PTPRD: variants seen among roughly 807,000 people sequenced by gnomAD.
The protein encoded by PTPRD is receptor-type tyrosine-protein phosphatase delta.
A neutral mutation model predicts 214.5 loss-of-function variants in PTPRD; 34 were observed. The ratio of observed to expected loss-of-function variants is 0.16; its 90% confidence interval spans 0.12 to 0.21. The LOEUF is 0.21. Among genes scored for constraint, PTPRD ranks in the 10% least tolerant of loss-of-function variants. The probability of loss-of-function intolerance (pLI) is 1.00; values close to 1 mark genes in which losing one functional copy is unlikely to be tolerated. For missense variants in PTPRD, 2,545 were observed against 2,398.7 expected, an observed-to-expected ratio of 1.06 and a Z score of -1.27; for synonymous variants, 1,128 against 845.7, an observed-to-expected ratio of 1.33 and a Z score of -5.79.
chr9:9,069,151 G>C (rs937261449), intron 10 of PTPRD, among the ~76,000 whole-genome samples: 1 of 152,032 alleles, frequency 6.6e-6, no homozygotes, highest in Non-Finnish European at 1.5e-5. Flanking sequence ...TCTCAAGGTG[G>C]AACTTTAAAT....
At chr9:9,753,549 C>T (rs1274451636) in intron 6 of PTPRD, among the ~76,000 whole-genome samples, 1 of 151,986 alleles carries the variant, frequency 6.6e-6, no homozygotes, top group Non-Finnish European at 1.5e-5. Flanking sequence ...GCTTGTTATA[C>T]ATTTTAAAAT....
chr9:8,428,275 C>T (rs2094821301), intron 35 of PTPRD, among the ~76,000 whole-genome samples: 1 of 152,134 alleles, frequency 6.6e-6, no homozygotes, highest in Non-Finnish European at 1.5e-5. Context: ...TGGGCAAAGA[C>T]TCTCCCACAC....
intron 9 of PTPRD, among the ~76,000 whole-genome samples, chr9:9,333,312 T>A (rs2043034216): frequency 6.6e-6 from 1 of 151,428 alleles, no homozygotes; most frequent in Admixed American, 6.6e-5. Flanking sequence ...AGGGGGCATA[T>A]GTCTGTAAAG....
chr9:9,502,667 C>T (rs2096457240), intron 8 of PTPRD, among the ~76,000 whole-genome samples: 1 of 151,560 alleles, frequency 6.6e-6, no homozygotes, highest in South Asian at 2.1e-4. Flanking sequence ...CATAATAGCC[C>T]CAAACTGTAA....
At position 9,052,203 on chromosome 9, in the gene PTPRD, A is replaced by G. The variant is rs536149470; in HGVS notation, c.-142-33468T>C. On this transcript the variant is annotated intron_variant, in intron 10 of 45. Coordinates refer to ENST00000381196, the MANE Select transcript of PTPRD (RefSeq NM_002839.4). ...AAGGGAGCTCACTAGGGTCTATTTT[A>G]TTAGGATACAATCCATTCATGAGGG... Among the ~76,000 whole-genome samples the G allele has an allele frequency of 3.9e-5, 6 of 152,274 alleles. No individual in the cohort carries two copies. In the South Asian group the frequency reaches 1.2e-3, roughly 32 times the overall value.
At chr9:9,050,456 C>A (rs1027458278) in intron 10 of PTPRD, among the ~76,000 whole-genome samples, 1 of 152,138 alleles carries the variant, frequency 6.6e-6, no homozygotes. Context: ...TCCCTACATG[C>A]CAAGTATAAA....
chr9:8,692,877 C>A (rs762857735), intron 12 of PTPRD, among the ~76,000 whole-genome samples: 1 of 152,166 alleles, frequency 6.6e-6, no homozygotes, highest in Non-Finnish European at 1.5e-5. Context: ...ATAGAATAAA[C>A]CTAAATCAAA....
chr9:9,762,540 T>C (rs1292591624), intron 6 of PTPRD, among the ~76,000 whole-genome samples: 1 of 152,208 alleles, frequency 6.6e-6, no homozygotes, highest in Non-Finnish European at 1.5e-5. Context: ...TTCAACACTT[T>C]GCTCAGAAAC....
At chr9:10,397,288 A>T (rs1236885466) in intron 2 of PTPRD, among the ~76,000 whole-genome samples, 2 of 152,064 alleles carry the variant, frequency 1.3e-5, no homozygotes, top group African/African-American at 2.4e-5. Context: ...TATAATGGAC[A>T]TGATAATGGT....
rs140468337 is a variant in PTPRD, at chr9:9,094,570, A to G, written c.-142-75835T>C. 5.5e-4 allele frequency among the ~76,000 whole-genome samples: 84 copies of G among 152,296 alleles called. No homozygotes were observed. The East Asian group carries it at 0.013, about 23-fold the overall frequency. On this transcript the variant is annotated intron_variant, in intron 10 of 45. Transcript: ENST00000381196. Reference sequence around the variant, plus strand: ...GGATCAAACACTACATAGTGGGTACAGTGTACACTGCTCAGGTGACAAGTG... The same window carrying G: ...GGATCAAACACTACATAGTGGGTACGGTGTACACTGCTCAGGTGACAAGTG...
intron 39 of PTPRD, among the ~76,000 whole-genome samples, chr9:8,346,583 A>G (rs1363637323): frequency 6.6e-6 from 1 of 152,072 alleles, no homozygotes; most frequent in Non-Finnish European, 1.5e-5. Context: ...TGTCCAGTGT[A>G]TCCATGCTAT....
intron 9 of PTPRD, among the ~76,000 whole-genome samples, chr9:9,330,570 C>T (rs1332162448): frequency 6.6e-6 from 1 of 151,970 alleles, no homozygotes; most frequent in South Asian, 2.1e-4. Context: ...TATTAAAAGT[C>T]TGTTCAGTAC....
chr9:9,041,593 C>T (rs1240499361), intron 10 of PTPRD, among the ~76,000 whole-genome samples: 1 of 152,124 alleles, frequency 6.6e-6, no homozygotes, highest in Non-Finnish European at 1.5e-5. Context: ...CTTAGTTTCA[C>T]CCTTCATTTT....
intron 11 of PTPRD, among the ~76,000 whole-genome samples, chr9:8,754,868 T>A (rs1425730236): frequency 6.6e-6 from 1 of 152,174 alleles, no homozygotes; most frequent in Non-Finnish European, 1.5e-5. Context: ...TTCTCTATCC[T>A]TTTGGGGAAA....
chr9:8,861,276 A>G (rs1372249079), intron 11 of PTPRD: 1 of 152,202 alleles, frequency 6.6e-6, no homozygotes, highest in Non-Finnish European at 1.5e-5. Context: ...TGTACTAAGC[A>G]TCGTGCTAAG....
intron 14 of PTPRD, among the ~76,000 whole-genome samples, chr9:8,626,975 CA>C (rs1301903093): frequency 6.6e-6 from 1 of 151,716 alleles, no homozygotes; most frequent in African/African-American, 2.4e-5. Context: ...CACCTACCAT[CA>C]ATACTCAGTG....
intron 3 of PTPRD, among the ~76,000 whole-genome samples, chr9:10,060,890 T>C (rs956621076): frequency 1.1e-5 from 1 of 89,142 alleles, no homozygotes; most frequent in Non-Finnish European, 1.9e-5. Flanking sequence ...CCTTCCTTCC[T>C]TCCTTCCTTC....
intron 8 of PTPRD, among the ~76,000 whole-genome samples, chr9:9,493,344 T>A: frequency 6.6e-6 from 1 of 152,170 alleles, no homozygotes; most frequent in East Asian, 1.9e-4. Flanking sequence ...TTCCAAATAT[T>A]CTGTTAATTC....
chr9:8,396,149 A>G (rs1355734358), intron 36 of PTPRD, among the ~76,000 whole-genome samples: 1 of 152,248 alleles, frequency 6.6e-6, no homozygotes, highest in African/African-American at 2.4e-5. Flanking sequence ...CACTAATATG[A>G]ATATCATAAT....
Sources: allele counts gnomAD v4.1 joint callset (sites outside exome capture counted in the v4.1 genomes callset), GRCh38; gene constraint gnomAD v4.1.1; transcripts MANE v1.5; gene names NCBI Gene and HGNC (gene_info 2026-07-23, HGNC 2026-07-21).